Variants in CAMKMT observed in about 807,000 individuals in gnomAD.
CAMKMT encodes the protein CaM KMT.
Under a neutral mutation model 48.0 loss-of-function variants are expected in CAMKMT, and 53 were observed. The observed-to-expected ratio is 1.10, with a 90% CI of 0.89 to 1.39. The LOEUF is 1.39. Ranked by LOEUF, CAMKMT falls within the 40% of genes most tolerant of loss-of-function variation. The probability of loss-of-function intolerance (pLI) is 0.00; values close to 1 mark genes in which losing one functional copy is unlikely to be tolerated. For missense variants in CAMKMT, 428 were observed against 402.7 expected, an observed-to-expected ratio of 1.06 and a Z score of -0.54; for synonymous variants, 165 against 152.3, an observed-to-expected ratio of 1.08 and a Z score of -0.61.
chr2:44,753,328 G>T (rs911111676), intron 8 of CAMKMT, among the ~76,000 whole-genome samples: 6 of 151,138 alleles, frequency 4.0e-5, no homozygotes, highest in Non-Finnish European at 8.8e-5. Context: ...TTGGGAGGCT[G>T]GGGTGGGAGG....
At chr2:44,634,436 G>A (rs1673007937) in intron 3 of CAMKMT, among the ~76,000 whole-genome samples, 2 of 151,920 alleles carry the variant, frequency 1.3e-5, no homozygotes, top group Non-Finnish European at 2.9e-5. Flanking sequence ...TTTTCCAATT[G>A]TTTATAATTG....
intron 3 of CAMKMT, among the ~76,000 whole-genome samples, chr2:44,568,580 TG>T (rs1273565897): frequency 1.3e-5 from 2 of 151,912 alleles, no homozygotes; most frequent in Non-Finnish European, 2.9e-5. Context: ...GCAAGGAGAT[TG>T]GTTTTAGAGG....
intron 3 of CAMKMT, among the ~76,000 whole-genome samples, chr2:44,652,229 G>T (rs1233788747): frequency 6.6e-6 from 1 of 152,154 alleles, no homozygotes; most frequent in Non-Finnish European, 1.5e-5. Flanking sequence ...GGATTTAATG[G>T]CAGGTGATCA....
intron 3 of CAMKMT, among the ~76,000 whole-genome samples, chr2:44,453,993 C>A (rs1000949279): frequency 1.3e-5 from 2 of 151,758 alleles, no homozygotes; most frequent in African/African-American, 4.8e-5. Context: ...AGACAAAATA[C>A]CATTGAGAGA....
At position 44,698,499 on chromosome 2, in the gene CAMKMT, G is replaced by T. The variant is rs556245278; in HGVS notation, c.377-5784G>T. Among the ~76,000 whole-genome samples, 5 of 152,310 alleles carry T rather than the reference G, an allele frequency of 3.3e-5. No individual in the cohort carries two copies. The East Asian group carries it at 9.6e-4, about 29-fold the overall frequency. Reference sequence around the variant, plus strand: ...GCTTTCCTGGTGCATATAAAAGTTTGCACTATACTGTAGCTTAAGTGTGCA... The same window carrying T: ...GCTTTCCTGGTGCATATAAAAGTTTTCACTATACTGTAGCTTAAGTGTGCA... On this transcript the variant is annotated intron_variant, in intron 3 of 10. Coordinates refer to ENST00000378494, the MANE Select transcript of CAMKMT (RefSeq NM_024766.5).
intron 3 of CAMKMT, among the ~76,000 whole-genome samples, chr2:44,485,668 G>T (rs1415043895): frequency 6.6e-6 from 1 of 152,126 alleles, no homozygotes; most frequent in Non-Finnish European, 1.5e-5. Context: ...TAACACAATG[G>T]TAAGTATTTA....
chr2:44,610,468 C>G (rs1272121953), intron 3 of CAMKMT, among the ~76,000 whole-genome samples: 1 of 152,064 alleles, frequency 6.6e-6, no homozygotes, highest in African/African-American at 2.4e-5. Context: ...TGACCCTCTC[C>G]AAAACCTCTA....
intron 3 of CAMKMT, among the ~76,000 whole-genome samples, chr2:44,565,631 A>C (rs2103712292): frequency 6.6e-6 from 1 of 152,234 alleles, no homozygotes; most frequent in African/African-American, 2.4e-5. Flanking sequence ...CAAAACAAAA[A>C]AACGATGCCT....
At chr2:44,589,172 A>G (rs1432003744) in intron 3 of CAMKMT, among the ~76,000 whole-genome samples, 6 of 37,308 alleles carry the variant, frequency 1.6e-4, no homozygotes, top group East Asian at 4.7e-4. Flanking sequence ...CGCCCTATCC[A>G]GGAGGTGAGG....
chr2:44,738,227 C>A (rs890048115), intron 7 of CAMKMT, among the ~76,000 whole-genome samples: 1 of 152,252 alleles, frequency 6.6e-6, no homozygotes, highest in African/African-American at 2.4e-5. Context: ...TGGAAACTCT[C>A]AAGGCAGTAA....
At chr2:44,492,553 C>T (rs1669560048) in intron 3 of CAMKMT, among the ~76,000 whole-genome samples, 1 of 152,082 alleles carries the variant, frequency 6.6e-6, no homozygotes, top group South Asian at 2.1e-4. Context: ...AGTGCGTTTG[C>T]CCAACTTAAC....
intron 3 of CAMKMT, among the ~76,000 whole-genome samples, chr2:44,592,853 G>T (rs1162641136): frequency 6.6e-6 from 1 of 152,062 alleles, no homozygotes; most frequent in African/African-American, 2.4e-5. Context: ...GTCTAGCTTG[G>T]TAAAGCTTCA....
At chr2:44,703,042 A>G (rs746793672) in intron 3 of CAMKMT, among the ~76,000 whole-genome samples, 1 of 152,164 alleles carries the variant, frequency 6.6e-6, no homozygotes, top group Non-Finnish European at 1.5e-5. Context: ...CGTTCCCAGG[A>G]CTGCATGGTG....
chr2:44,404,745 G>C (rs1021192468), intron 3 of CAMKMT, among the ~76,000 whole-genome samples: 7 of 151,880 alleles, frequency 4.6e-5, no homozygotes, highest in Admixed American at 1.3e-4. Flanking sequence ...CCTTCTCAAG[G>C]TCTTTTTATG....
At chr2:44,672,220 G>A (rs747562225) in intron 3 of CAMKMT, among the ~76,000 whole-genome samples, 4 of 152,096 alleles carry the variant, frequency 2.6e-5, no homozygotes, top group South Asian at 2.1e-4. Context: ...GGAGATAGCC[G>A]CATGCAGACT....
chr2:44,373,865 T>A (rs906026734), intron 2 of CAMKMT, among the ~76,000 whole-genome samples: 7 of 152,102 alleles, frequency 4.6e-5, no homozygotes, highest in African/African-American at 1.7e-4. Context: ...GGCTCATGCC[T>A]GTAATCCTAG....
intron 3 of CAMKMT, among the ~76,000 whole-genome samples, chr2:44,526,492 C>G (rs1388244046): frequency 6.6e-6 from 1 of 152,146 alleles, no homozygotes; most frequent in Non-Finnish European, 1.5e-5. Context: ...TCATATAGTT[C>G]CAGTCCAGGC....
chr2:44,635,369 T>A (rs1673068708), intron 3 of CAMKMT, among the ~76,000 whole-genome samples: 1 of 152,182 alleles, frequency 6.6e-6, no homozygotes, highest in South Asian at 2.1e-4. Flanking sequence ...CCTATAAAAA[T>A]TTCACATATT....
chr2:44,571,343 G>A lies in CAMKMT; in HGVS notation c.377-132940G>A, dbSNP rs1356867062. ...GGGTCTCCTTAAAACTTGAGAGAAG[G>A]AAAGAATTTGTCCCATTGTAGCAAT... On this transcript the variant is annotated intron_variant, in intron 3 of 10. Transcript: ENST00000378494. Among the ~76,000 whole-genome samples the A allele has an allele frequency of 4.6e-5, 7 of 152,098 alleles. No homozygotes were observed. The East Asian group carries it at 1.3e-3, about 29-fold the overall frequency.
Sources: gnomAD v4.1 joint callset for allele counts (sites outside exome capture counted in the v4.1 genomes callset) on GRCh38, gnomAD v4.1.1 for gene constraint, MANE v1.5 for transcripts, NCBI Gene and HGNC (gene_info 2026-07-23, HGNC 2026-07-21) for gene names.